The following CADPS variants were observed in gnomAD, a reference collection of about 807,000 sequenced individuals.
The protein encoded by CADPS is calcium-dependent secretion activator 1.
Under a neutral mutation model 167.3 loss-of-function variants are expected in CADPS, and 57 were observed. That is an observed-to-expected ratio of 0.34 (90% CI 0.28 to 0.42). The LOEUF (loss-of-function observed/expected upper bound fraction) is 0.42. Among genes scored for constraint, CADPS ranks in the 20% least tolerant of loss-of-function variants. The pLI is 1.00. For missense variants in CADPS, 1,414 were observed against 1,738.1 expected (o/e 0.81, Z 3.32); for synonymous variants, 676 against 635.3 (o/e 1.06, Z -0.96).
At position 62,753,881 on chromosome 3, in the gene CADPS, A is replaced by G; in HGVS notation, c.556-108T>C. On this transcript the variant is annotated intron_variant, in intron 2 of 29. Coordinates refer to ENST00000383710, the MANE Select transcript of CADPS (RefSeq NM_003716.4). The surrounding 1 kb of genome is among the most constrained non-coding windows in gnomAD (Gnocchi z 4.6). ...TCCACCTCACGTGCATCCCAGGAGGAACCACTGTGGGTCTCACCCTGCCCC... is the reference window on the plus strand; with the variant it reads ...TCCACCTCACGTGCATCCCAGGAGGGACCACTGTGGGTCTCACCCTGCCCC... 1 of 1,063,412 alleles carries G rather than the reference A, an allele frequency of 9.4e-7. No homozygotes were observed. Among genetic ancestry groups the G allele is most frequent in the Non-Finnish European group, 1.3e-6 (1 of 740,774 alleles). The allele number at this position is 1,063,412 out of a possible 1,614,324, so 65.9% of individuals were successfully genotyped here.
intron 17 of CADPS, 90 bp from the exon 18 acceptor site, chr3:62,499,358 G>C (rs566323045): frequency 2.5e-6 from 2 of 785,848 alleles, no homozygotes; most frequent in Non-Finnish European, 4.4e-6. Flanking sequence ...ATTGAGAATA[G>C]TTATCAGTTT....
Position 62,753,361 on chromosome 3 carries a change from A to G in CADPS, c.888+80T>C. 1.8e-6 allele frequency: 2 copies of G among 1,088,296 alleles called. No individual in the cohort carries two copies. Among genetic ancestry groups the G allele is most frequent in the East Asian group, 2.4e-5 (1 of 42,050 alleles). The allele number at this position is 1,088,296 out of a possible 1,614,324, so 67.4% of individuals were successfully genotyped here. A position where few individuals can be genotyped will look rare whatever the true frequency, so the allele number is the denominator to read the frequency against. On this transcript the variant is annotated intron_variant, in intron 3 of 29. Transcript: ENST00000383710. The surrounding 1 kb of genome is among the most constrained non-coding windows in gnomAD (Gnocchi z 4.6). ...TATAAGTTTTAATCCTTTTTTTAAA[A>G]AAATCAAGAAGTATCTCATAGAAGT...
At chr3:62,715,751 A>ATTTT (rs375673684) in intron 3 of CADPS, among the ~76,000 whole-genome samples, 4 of 86,346 alleles carry the variant, frequency 4.6e-5, no homozygotes, top group Admixed American at 1.3e-4. Context: ...ATGATTATAA[A>ATTTT]TCTTTTTTTT....
chr3:62,652,811 G>C (rs1354643363), intron 4 of CADPS, among the ~76,000 whole-genome samples: 2 of 152,184 alleles, frequency 1.3e-5, no homozygotes, highest in African/African-American at 2.4e-5. Context: ...CACAGGACTA[G>C]TTATTTCTCC....
chr3:62,874,974 C>G lies in CADPS; in HGVS notation c.56G>C (p.Ser19Thr). 6.3e-7 allele frequency: 1 copy of G among 1,593,888 alleles called. No individual in the cohort carries two copies. Among genetic ancestry groups the G allele is most frequent in the Non-Finnish European group, 8.5e-7 (1 of 1,170,952 alleles). ...GGCCGAGCCGAGCACCTCCTTGCCGCTCTCCTCCTCCACGATCTCATCCGA... is the reference window on the plus strand; with the variant it reads ...GGCCGAGCCGAGCACCTCCTTGCCGGTCTCCTCCTCCACGATCTCATCCGA... ...EESDEIVEEE[S>T]GKEVLGSAPS... The change falls in exon 1 of 30, where the codon AGC (serine) becomes ACC (threonine). Residue 19 changes from serine (S) to threonine (T), a missense_variant. Physicochemically the swap from Ser to Thr is moderately conservative, Grantham distance 58. Transcript: ENST00000383710. This position sits in a 1 kb window ranked among gnomAD's most constrained non-coding sequence, Gnocchi z 7.1.
At chr3:62,827,604 G>A (rs2074299590) in intron 1 of CADPS, among the ~76,000 whole-genome samples, 1 of 149,438 alleles carries the variant, frequency 6.7e-6, no homozygotes, top group Non-Finnish European at 1.5e-5. Context: ...TCCAAGCCTA[G>A]ATTTCTAAGA....
chr3:62,442,939 CT>C (rs1560446965), intron 27 of CADPS, among the ~76,000 whole-genome samples: 1 of 152,062 alleles, frequency 6.6e-6, no homozygotes, highest in African/African-American at 2.4e-5. Context: ...GTATTATGTA[CT>C]ATTGTTTTCT....
Position 62,398,686 on chromosome 3 carries a change from AGAG to A in CADPS, c.*717_*719del. 6.5e-6 allele frequency: 1 copy of A among 152,678 alleles called. No homozygotes were observed. The highest frequency in any genetic ancestry group is 1.9e-4 in the East Asian group (1 of 5,180). 9.5% of individuals were successfully genotyped at this position (152,678 alleles called of 1,614,324 possible). A position where few individuals can be genotyped will look rare whatever the true frequency, so the allele number is the denominator to read the frequency against. ...AGACGTAAAAGCAAAATAACATTTA[AGAG>A]GAGAAAACTTTGACAGAAGACAGTA... On this transcript the variant is annotated 3_prime_UTR_variant, in exon 30 of 30. Transcript: ENST00000383710.
chr3:62,656,047 A>G (rs1429242320), intron 4 of CADPS, among the ~76,000 whole-genome samples: 7 of 152,198 alleles, frequency 4.6e-5, no homozygotes, highest in African/African-American at 1.4e-4. Context: ...AAGTTTGGAC[A>G]GATTTCTTCA....
At chr3:62,614,876 CTCTTT>C (rs1356828341) in intron 6 of CADPS, among the ~76,000 whole-genome samples, 2 of 152,186 alleles carry the variant, frequency 1.3e-5, no homozygotes, top group East Asian at 1.9e-4. Flanking sequence ...TTCTCAGCCT[CTCTTT>C]TCTTGTCTGT....
intron 1 of CADPS, among the ~76,000 whole-genome samples, chr3:62,772,910 T>G (rs1321865406): frequency 2.0e-5 from 3 of 152,310 alleles, no homozygotes; most frequent in Non-Finnish European, 4.4e-5. Flanking sequence ...ACACATAAAT[T>G]AGGTCCTTTT....
At chr3:62,731,840 GAAGAAAGGA>G (rs942825536) in intron 3 of CADPS, among the ~76,000 whole-genome samples, 5 of 108,572 alleles carry the variant, frequency 4.6e-5, no homozygotes, top group East Asian at 4.4e-4. Context: ...AGTAAAGAAG[GAAGAAAGGA>G]AAGAAAGGAA....
intron 6 of CADPS, among the ~76,000 whole-genome samples, chr3:62,599,880 T>TATTATATATA (rs2059687295): frequency 1.5e-5 from 1 of 68,410 alleles, no homozygotes; most frequent in Admixed American, 2.6e-4. Flanking sequence ...TAATATATAA[T>TATTATATATA]ATATATATAT....
At chr3:62,637,401 T>A (rs905907323) in intron 6 of CADPS, among the ~76,000 whole-genome samples, 1 of 152,204 alleles carries the variant, frequency 6.6e-6, no homozygotes, top group Non-Finnish European at 1.5e-5. Context: ...AGGATGATGA[T>A]CATTATCATT....
intron 6 of CADPS, among the ~76,000 whole-genome samples, chr3:62,616,021 T>G (rs180819240): frequency 5.7e-4 from 87 of 152,174 alleles, no homozygotes; most frequent in African/African-American, 2.1e-3. Flanking sequence ...GATGTCTATG[T>G]GTTTTTTTTC....
chr3:62,692,599 C>T (rs781764005), intron 3 of CADPS, among the ~76,000 whole-genome samples: 2 of 151,990 alleles, frequency 1.3e-5, no homozygotes, highest in Admixed American at 6.6e-5. Flanking sequence ...ATAAATCTGC[C>T]GCTATAGCCA....
chr3:62,700,236 A>AAGAGGT (rs1374069069), intron 3 of CADPS, among the ~76,000 whole-genome samples: 4 of 152,138 alleles, frequency 2.6e-5, no homozygotes, highest in Non-Finnish European at 5.9e-5. Flanking sequence ...TCTTCCCTTC[A>AAGAGGT]AGAGGTGGAG....
At chr3:62,683,189 G>A (rs894329765) in intron 3 of CADPS, among the ~76,000 whole-genome samples, 6 of 151,986 alleles carry the variant, frequency 3.9e-5, no homozygotes, top group Middle Eastern at 3.2e-3. Context: ...GAAGCAATAA[G>A]ACGTCATTGA....
At chr3:62,456,775 A>C (rs1211704103) in intron 26 of CADPS, among the ~76,000 whole-genome samples, 1 of 151,922 alleles carries the variant, frequency 6.6e-6, no homozygotes, top group Non-Finnish European at 1.5e-5. Context: ...AAAAAAAAAA[A>C]AAAACCCAAT....
Sources: allele counts gnomAD v4.1 joint callset (sites outside exome capture counted in the v4.1 genomes callset), GRCh38; gene constraint gnomAD v4.1.1; non-coding constraint Gnocchi (gnomAD v3.1); transcripts MANE v1.5; gene names NCBI Gene and HGNC (gene_info 2026-07-23, HGNC 2026-07-21).